Variants in NEK3 observed in about 807,000 individuals in gnomAD.
NEK3 encodes NIMA related kinase 3, also known as serine/threonine-protein kinase Nek3.
A neutral mutation model predicts 66.0 loss-of-function variants in NEK3; 54 were observed. That is an observed-to-expected ratio of 0.82 (90% confidence interval 0.66 to 1.03). The LOEUF (loss-of-function observed/expected upper bound fraction) is 1.03. Ranked by LOEUF, NEK3 falls within the 50% of genes least tolerant of loss-of-function variation. The pLI, the probability that NEK3 is intolerant of heterozygous loss-of-function variation, is 0.00. For synonymous variants in NEK3, 200 were observed against 206.2 expected, an observed-to-expected ratio of 0.97 and a Z score of 0.26; for missense variants, 593 against 603.0, an observed-to-expected ratio of 0.98 and a Z score of 0.17.
chr13:52,147,801 C>T (rs1368195803), intron 8 of NEK3, among the ~76,000 whole-genome samples: 1 of 151,460 alleles, frequency 6.6e-6, no homozygotes, highest in Non-Finnish European at 1.5e-5. Context: ...GGGGAAAATA[C>T]AAAAAAATAC....
At chr13:52,140,945 G>T in intron 11 of NEK3, 75 bp downstream of exon 11, 6 of 1,209,226 alleles carry the variant, frequency 5.0e-6, no homozygotes, top group Non-Finnish European at 5.8e-6. Context: ...CTCCCGAGTA[G>T]CTGGGATTAC....
intron 7 of NEK3, among the ~76,000 whole-genome samples, chr13:52,150,669 A>G (rs1190823799): frequency 4.8e-5 from 4 of 84,170 alleles, no homozygotes; most frequent in Admixed American, 1.3e-4. Flanking sequence ...TTACCTTATA[A>G]TCTAGCCCTA....
chr13:52,148,035 A>G (rs573581373), intron 8 of NEK3: 1 of 160,198 alleles, frequency 6.2e-6, no homozygotes, highest in African/African-American at 2.4e-5. Flanking sequence ...AAACCCCCAA[A>G]GAGATAATAG....
intron 10 of NEK3, 99 bp from the exon 11 acceptor site, chr13:52,141,168 G>A: frequency 1.8e-6 from 2 of 1,082,798 alleles, no homozygotes; most frequent in African/African-American, 3.2e-5. Context: ...AAGTGAGTGA[G>A]GTTATTAAAG....
intron 11 of NEK3, among the ~76,000 whole-genome samples, chr13:52,139,977 G>A (rs1397325634): frequency 6.7e-6 from 1 of 149,768 alleles, no homozygotes; most frequent in Non-Finnish European, 1.5e-5. Context: ...CGAGGCGGGA[G>A]GATCACTTGA....
In NEK3 at chr13:52,141,070, C is replaced by A; in HGVS notation, c.878-1G>T. ...GCTATCCTGATTCTGCTGGGGTTTG[C>A]TTTTAAAAGAGAGAGAGAAGGTAGA... On this transcript the variant is annotated splice_acceptor_variant, in intron 10 of 15. Transcript: ENST00000610828. LOFTEE classifies it high-confidence loss of function. 6.3e-7 allele frequency: 1 copy of A among 1,596,684 alleles called. No homozygotes were observed. The highest frequency in any genetic ancestry group is 8.5e-7 in the Non-Finnish European group (1 of 1,171,356).
chr13:52,142,986 G>A (rs1480345055), intron 10 of NEK3, among the ~76,000 whole-genome samples: 1 of 152,182 alleles, frequency 6.6e-6, no homozygotes, highest in African/African-American at 2.4e-5. Context: ...TAGCTATTAT[G>A]TGGATGATTC....
At position 52,136,873 on chromosome 13, in the gene NEK3, G is replaced by A. The variant is rs548591547; in HGVS notation, c.957C>T (p.Ser319=). ...VQEEEQDRKG[S]HTDLESINEN... is the part of the protein sequence containing the mutation. ...CATTAATGCTTTCCAAATCAGTATG[G>A]CTACCCTTTCTATCTTGTTCTTCCT... The change falls in exon 12 of 16, where the codon AGC becomes AGT. Residue 319 remains serine (S), a synonymous_variant. Coordinates refer to ENST00000610828, the MANE Select transcript of NEK3 (RefSeq NM_002498.3). 6 of 1,571,206 alleles carry A rather than the reference G, an allele frequency of 3.8e-6. No individual in the cohort carries two copies. In the Admixed American group the frequency reaches 9.4e-5, roughly 24 times the overall value.
At chr13:52,133,615 T>TCACACACA (rs3831081) in intron 15 of NEK3, 74 bp downstream of exon 15, 93,534 of 1,300,746 alleles carry the variant, frequency 0.072, 1,159 homozygotes, top group East Asian at 0.096. Context: ...CTAATTTAAA[T>TCACACACA]CACACACACA....
chr13:52,155,980 T>C (rs1424885778), intron 2 of NEK3, 95 bp downstream of exon 2: 5 of 699,724 alleles, frequency 7.1e-6, no homozygotes, highest in Non-Finnish European at 1.2e-5. Flanking sequence ...AGTGCTGGGA[T>C]TACAGGTGTG....
Position 52,152,632 on chromosome 13 carries a change from G to A in NEK3, c.370C>T (p.Leu124=), listed in dbSNP as rs965710629. The A allele has an allele frequency of 5.0e-6, 8 of 1,609,944 alleles. No homozygotes were observed. The highest frequency in any genetic ancestry group is 6.8e-6 in the Non-Finnish European group (8 of 1,178,042). The change falls in exon 5 of 16, where the codon CTA becomes TTA. Residue 124 remains leucine, a synonymous_variant. Transcript: ENST00000610828. ...ACCTTGGACTTGATATCTCTGTGTA[G>A]CACACGTTTCTTGTGAATGTGATTT... ...GVNHIHKKRV[L]HRDIKSKNIF...
chr13:52,147,387 C>T (rs551895779), intron 8 of NEK3, among the ~76,000 whole-genome samples: 1 of 152,288 alleles, frequency 6.6e-6, no homozygotes, highest in African/African-American at 2.4e-5. Context: ...TGTCCCTCAA[C>T]AGATGAATGG....
rs1026675139 is a variant in NEK3, at chr13:52,141,142, T to C, written c.878-73A>G. The stretch of plus-strand genomic sequence containing the variant: ...CATCCTATTAAGTTCCTAATATGAT[T>C]TTCATACAGCTGGAGAAGTGAGTGA... On this transcript the variant is annotated intron_variant, in intron 10 of 15. Transcript: ENST00000610828. The C allele has an allele frequency of 6.6e-6, 9 of 1,366,272 alleles. No homozygotes were observed. The African/African-American group carries it at 1.3e-4, about 20-fold the overall frequency. 84.6% of individuals were successfully genotyped at this position (1,366,272 alleles called of 1,614,324 possible).
At chr13:52,149,388 T>C (rs1956320600) in intron 7 of NEK3, among the ~76,000 whole-genome samples, 1 of 152,168 alleles carries the variant, frequency 6.6e-6, no homozygotes, top group African/African-American at 2.4e-5. Context: ...TCCAGACTTT[T>C]CTAAATGATA....
At position 52,143,916 on chromosome 13, in the gene NEK3, T is replaced by C; in HGVS notation, c.876A>G (p.Lys292=). The C allele has an allele frequency of 7.5e-7, 1 of 1,336,394 alleles. No individual in the cohort carries two copies. The highest frequency in any genetic ancestry group is 1.3e-5 in the South Asian group (1 of 74,926). The allele number at this position is 1,336,394 out of a possible 1,614,324, so 82.8% of individuals were successfully genotyped here. ...KNSKHNTPRK[K]TNPSRIRIAL... is the part of the protein sequence containing the mutation. ...AAAATACTCTGTCAAAATTCTTACT[T>C]TTTTTTCTTGGTGTGTTATGCTTCG... The change falls in exon 10 of 16, where the codon AAA becomes AAG. Residue 292 remains lysine, a splice_region_variant and synonymous_variant. Transcript: ENST00000610828.
chr13:52,134,934 C>G (rs1956190357), intron 14 of NEK3, among the ~76,000 whole-genome samples: 1 of 152,182 alleles, frequency 6.6e-6, no homozygotes, highest in East Asian at 1.9e-4. Flanking sequence ...TTTTTTTTAT[C>G]TTAACCTTTG....
At chr13:52,141,945 G>C (rs1057337135) in intron 10 of NEK3, among the ~76,000 whole-genome samples, 1 of 151,154 alleles carries the variant, frequency 6.6e-6, no homozygotes, top group Non-Finnish European at 1.5e-5. Context: ...AAATTAGCCA[G>C]GTATGGTGGC....
chr13:52,149,655 G>C (rs1016828619), intron 7 of NEK3, among the ~76,000 whole-genome samples: 7 of 152,060 alleles, frequency 4.6e-5, no homozygotes, highest in African/African-American at 1.7e-4. Context: ...AGATCACAAG[G>C]TCAGGAGTTT....
At chr13:52,156,312 A>C (rs2138215874) in intron 1 of NEK3, 64 bp from the exon 2 acceptor site, 1 of 653,560 alleles carries the variant, frequency 1.5e-6, no homozygotes, top group Non-Finnish European at 2.7e-6. Context: ...AATTAATTCA[A>C]AGTAGCTCTC....
Sources: allele counts gnomAD v4.1 joint callset (sites outside exome capture counted in the v4.1 genomes callset), GRCh38; gene constraint gnomAD v4.1.1; transcripts MANE v1.5; gene names NCBI Gene and HGNC (gene_info 2026-07-23, HGNC 2026-07-21).